ACVR1B: variants seen among roughly 807,000 people sequenced by gnomAD.
ACVR1B encodes activin receptor type-1B.
A neutral mutation model predicts 55.6 loss-of-function variants in ACVR1B; 15 were observed. The ratio of observed to expected loss-of-function variants is 0.27; its 90% CI spans 0.18 to 0.42. ACVR1B has a LOEUF of 0.42. Among genes scored for constraint, ACVR1B ranks in the 10% least tolerant of loss-of-function variants. The pLI, the probability that ACVR1B is intolerant of heterozygous loss-of-function variation, is 1.00. For missense variants in ACVR1B, 359 were observed against 670.1 expected, an observed-to-expected ratio of 0.54 and a Z score of 5.13; for synonymous variants, 247 against 254.6, an observed-to-expected ratio of 0.97 and a Z score of 0.28.
At chr12:51,967,242 A>C (rs1941659814) in intron 1 of ACVR1B, among the ~76,000 whole-genome samples, 1 of 151,102 alleles carries the variant, frequency 6.6e-6, no homozygotes, top group African/African-American at 2.4e-5. Flanking sequence ...TCCGTCTCAA[A>C]AAAAAACCAA....
chr12:51,975,518 C>T lies in ACVR1B; in HGVS notation c.331+14C>T, dbSNP rs1941831286. ...GGGTGCCCAGTGGTGAGTGCATGCC[C>T]TTGTTGGGCTAGTGGCTCAGCTTGG... On this transcript the variant is annotated intron_variant, in intron 2 of 8. Transcript: ENST00000257963. 3.1e-6 allele frequency: 5 copies of T among 1,600,832 alleles called. No individual in the cohort carries two copies. The highest frequency in any genetic ancestry group is 1.1e-5 in the South Asian group (1 of 90,818).
Position 51,981,523 on chromosome 12 carries a change from A to G in ACVR1B, c.811+324A>G, listed in dbSNP as rs192056423. Among the ~76,000 whole-genome samples the G allele has an allele frequency of 7.2e-5, 11 of 152,226 alleles. No homozygotes were observed. In the East Asian group the frequency reaches 1.7e-3, roughly 24 times the overall value. ...TTGTAGTTCCTGCAGGGGGTCCCGT[A>G]AGCTTATTTTGAAAATCACTAGGAT... is the stretch of plus-strand genomic sequence containing the variant. On this transcript the variant is annotated intron_variant, in intron 4 of 8. Coordinates refer to ENST00000257963, the MANE Select transcript of ACVR1B (RefSeq NM_004302.5).
chr12:51,987,722 C>T (rs1435358861), intron 7 of ACVR1B: 1 of 152,926 alleles, frequency 6.5e-6, no homozygotes, highest in Non-Finnish European at 1.5e-5. Flanking sequence ...ATGGCCCCTG[C>T]ACAAGGATGA....
chr12:51,979,163 C>CAA lies in ACVR1B; in HGVS notation c.581-1787_581-1786dup, dbSNP rs1164099929. Among the ~76,000 whole-genome samples the CAA allele has an allele frequency of 9.9e-3, 565 of 56,946 alleles. 20 individuals are homozygous for CAA. The highest frequency in any genetic ancestry group is 0.024 in the African/African-American group (361 of 14,898). 37.4% of individuals were successfully genotyped at this position (56,946 alleles called of 152,430 possible). A position where few individuals can be genotyped will look rare whatever the true frequency, so the allele number is the denominator to read the frequency against. ...GGGCAGCAAGAGCAAAGCTCCGTCTCAAAAAAAAAAAAAAAAAAAAGGCCA... is the reference window on the plus strand; with the variant it reads ...GGGCAGCAAGAGCAAAGCTCCGTCTCAAAAAAAAAAAAAAAAAAAAAAGGCCA... On this transcript the variant is annotated intron_variant, in intron 3 of 8. Transcript: ENST00000257963.
chr12:51,981,271 C>T (rs1439960039), intron 4 of ACVR1B, 72 bp downstream of exon 4: 3 of 1,316,414 alleles, frequency 2.3e-6, no homozygotes, highest in Non-Finnish European at 3.2e-6. Context: ...ATGGGGTGCA[C>T]AGCTCTGTTT....
intron 1 of ACVR1B, among the ~76,000 whole-genome samples, chr12:51,972,849 G>A (rs1418565963): frequency 3.3e-5 from 5 of 151,942 alleles, no homozygotes; most frequent in African/African-American, 2.4e-5. Flanking sequence ...CAGAGGACCC[G>A]CAGCTCTTAG....
intron 1 of ACVR1B, 112 bp downstream of exon 1, chr12:51,951,946 G>A (rs932062741): frequency 1.5e-5 from 8 of 551,276 alleles, no homozygotes; most frequent in Non-Finnish European, 2.1e-5. Flanking sequence ...AGCACAATAT[G>A]GCCGGGTGGG....
chr12:51,981,451 C>T (rs1409344370), intron 4 of ACVR1B, among the ~76,000 whole-genome samples: 1 of 152,170 alleles, frequency 6.6e-6, no homozygotes, highest in Non-Finnish European at 1.5e-5. Context: ...ACCCCCTCAC[C>T]CTACCTGCTC....
intron 7 of ACVR1B, among the ~76,000 whole-genome samples, chr12:51,989,979 G>A (rs1365807445): frequency 2.7e-5 from 4 of 149,800 alleles, no homozygotes; most frequent in Admixed American, 2.0e-4. Flanking sequence ...TGGAGACTCC[G>A]TCTCAAAAAA....
intron 1 of ACVR1B, among the ~76,000 whole-genome samples, chr12:51,954,461 C>T (rs969588977): frequency 1.3e-5 from 2 of 152,114 alleles, no homozygotes; most frequent in East Asian, 1.9e-4. Context: ...ATTTTGTGAG[C>T]GGACTAAAAA....
At chr12:51,977,380 C>T (rs1260232997) in intron 3 of ACVR1B, among the ~76,000 whole-genome samples, 2 of 152,136 alleles carry the variant, frequency 1.3e-5, no homozygotes, top group Non-Finnish European at 2.9e-5. Context: ...TCTCTGAAAC[C>T]TCCACCTGCC....
At chr12:51,989,742 T>G (rs887415035) in intron 7 of ACVR1B, among the ~76,000 whole-genome samples, 5 of 152,220 alleles carry the variant, frequency 3.3e-5, no homozygotes, top group Admixed American at 2.0e-4. Context: ...TCTCAGCACT[T>G]TTGGAGGCCG....
At chr12:51,968,006 G>A (rs1041474512) in intron 1 of ACVR1B, among the ~76,000 whole-genome samples, 5 of 152,198 alleles carry the variant, frequency 3.3e-5, no homozygotes, top group Admixed American at 2.6e-4. Flanking sequence ...AGGCTGAGGC[G>A]GGTGGATCAC....
chr12:51,976,710 CCTT>C (rs1761433986), intron 3 of ACVR1B, 135 bp downstream of exon 3: 1 of 1,151,000 alleles, frequency 8.7e-7, no homozygotes, highest in African/African-American at 1.5e-5. Flanking sequence ...TCCTAGTTCC[CCTT>C]CTTTTGGAGT....
chr12:51,975,571 T>C (rs982303272), intron 2 of ACVR1B, 67 bp downstream of exon 2: 137 of 1,559,024 alleles, frequency 8.8e-5, no homozygotes, highest in Non-Finnish European at 1.1e-4. Context: ...ATTTCATTTT[T>C]TTCTACTCTT....
intron 6 of ACVR1B, among the ~76,000 whole-genome samples, chr12:51,986,489 C>T (rs1942078425): frequency 6.6e-6 from 1 of 152,120 alleles, no homozygotes; most frequent in South Asian, 2.1e-4. Flanking sequence ...CCAACTCCTG[C>T]CCTCAGGTGA....
chr12:51,952,050 G>T (rs894356899), intron 1 of ACVR1B, among the ~76,000 whole-genome samples: 1 of 152,094 alleles, frequency 6.6e-6, no homozygotes, highest in Non-Finnish European at 1.5e-5. Flanking sequence ...GGGCCCCTGG[G>T]GACCCGAGCC....
At chr12:51,977,174 T>C (rs1941875156) in intron 3 of ACVR1B, among the ~76,000 whole-genome samples, 1 of 152,230 alleles carries the variant, frequency 6.6e-6, no homozygotes, top group Non-Finnish European at 1.5e-5. Flanking sequence ...AACCAAACAC[T>C]GGACCTTGGC....
At chr12:51,993,561 G>A (rs149565015) in intron 8 of ACVR1B, among the ~76,000 whole-genome samples, 10 of 151,972 alleles carry the variant, frequency 6.6e-5, no homozygotes, top group Admixed American at 3.9e-4. Context: ...TCGAGAGAGC[G>A]AGACCATCCT....
Sources: allele counts gnomAD v4.1 joint callset (sites outside exome capture counted in the v4.1 genomes callset), GRCh38; gene constraint gnomAD v4.1.1; transcripts MANE v1.5; gene names NCBI Gene and HGNC (gene_info 2026-07-23, HGNC 2026-07-21).